Variants in STPG2 observed in about 807,000 individuals in gnomAD.
STPG2 encodes the protein sperm tail PG-rich repeat containing 2, also known as sperm-tail PG-rich repeat-containing protein 2.
In STPG2, 56 loss-of-function variants were observed where a neutral mutation model predicts 54.2. That is an observed-to-expected ratio of 1.03 (90% CI 0.83 to 1.29). STPG2 has a LOEUF of 1.29. Among genes scored for constraint, STPG2 ranks in the 50% most tolerant of loss-of-function variants. The pLI, the probability that STPG2 is intolerant of heterozygous loss-of-function variation, is 0.00. For synonymous variants in STPG2, 200 were observed against 181.8 expected (o/e 1.10, Z -0.81); for missense variants, 596 against 544.9 (o/e 1.09, Z -0.93).
At chr4:97,452,430 G>T (rs910031511) in intron 4 of STPG2, among the ~76,000 whole-genome samples, 1 of 152,132 alleles carries the variant, frequency 6.6e-6, no homozygotes, top group Non-Finnish European at 1.5e-5. Context: ...GCTGGGCCAG[G>T]CTGCCAGTCC....
chr4:97,981,602 G>A (rs1320324645), intron 5 of STPG2, among the ~76,000 whole-genome samples: 2 of 151,854 alleles, frequency 1.3e-5, no homozygotes, highest in Non-Finnish European at 2.9e-5. Context: ...AGATGATAGT[G>A]TAGGGATAAT....
intron 8 of STPG2, among the ~76,000 whole-genome samples, chr4:97,936,772 T>C (rs913364054): frequency 6.6e-6 from 1 of 152,322 alleles, no homozygotes; most frequent in Middle Eastern, 3.4e-3. Context: ...GGCTTCCCTT[T>C]GTAGGTGACC....
At chr4:97,869,799 A>G in intron 8 of STPG2, among the ~76,000 whole-genome samples, 1 of 151,626 alleles carries the variant, frequency 6.6e-6, no homozygotes. Flanking sequence ...TATTTCAGAT[A>G]ATATAATTTT....
intron 5 of STPG2, among the ~76,000 whole-genome samples, chr4:98,071,196 A>G (rs1430973543): frequency 6.6e-6 from 1 of 152,188 alleles, no homozygotes; most frequent in African/African-American, 2.4e-5. Context: ...CCAAAACAGC[A>G]TGGTACTGGT....
At chr4:98,022,786 A>G (rs1736266547) in intron 5 of STPG2, among the ~76,000 whole-genome samples, 1 of 152,068 alleles carries the variant, frequency 6.6e-6, no homozygotes, top group Non-Finnish European at 1.5e-5. Context: ...CATCACTGAT[A>G]CCCTTTCTTC....
rs1001561565 is a variant in STPG2 at position 97,673,672 on chromosome 4, TA to T, written c.1320+39026del. 4.4e-5 allele frequency among the ~76,000 whole-genome samples: 5 copies of T among 113,552 alleles called. No individual in the cohort carries two copies. The South Asian group carries it at 1.5e-3, about 33-fold the overall frequency. The allele number at this position is 113,552 out of a possible 152,430, so 74.5% of individuals were successfully genotyped here. A position where few individuals can be genotyped will look rare whatever the true frequency, so the allele number is the denominator to read the frequency against. On this transcript the variant is annotated intron_variant, in intron 10 of 10. Transcript: ENST00000295268. ...TTAAATTAAAGAATATACGGCTTTATATTTTTTTTTTTCCTGCATTGGCAAT... is the reference window on the plus strand; with the variant it reads ...TTAAATTAAAGAATATACGGCTTTATTTTTTTTTTTTCCTGCATTGGCAAT...
At chr4:97,965,140 T>C (rs1468300094) in intron 7 of STPG2, among the ~76,000 whole-genome samples, 1 of 152,170 alleles carries the variant, frequency 6.6e-6, no homozygotes, top group African/African-American at 2.4e-5. Flanking sequence ...CCAGCCCAAA[T>C]ACTGTGCTTT....
At chr4:97,986,020 T>C (rs1255819957) in intron 5 of STPG2, among the ~76,000 whole-genome samples, 1 of 152,132 alleles carries the variant, frequency 6.6e-6, no homozygotes, top group African/African-American at 2.4e-5. Flanking sequence ...TCTCTTGTAG[T>C]ACCTTAAGCA....
intron 5 of STPG2, among the ~76,000 whole-genome samples, chr4:98,008,298 T>G (rs1279154949): frequency 7.9e-6 from 1 of 126,460 alleles, no homozygotes; most frequent in Non-Finnish European, 1.8e-5. Context: ...TTCAGAATTC[T>G]GAAATTAAAA....
intron 10 of STPG2, among the ~76,000 whole-genome samples, chr4:97,606,320 C>T (rs1288552797): frequency 6.6e-6 from 1 of 151,832 alleles, no homozygotes; most frequent in African/African-American, 2.4e-5. Flanking sequence ...TAACTGGTTT[C>T]CTTACTGAAT....
intron 1 of STPG2, among the ~76,000 whole-genome samples, chr4:98,137,987 T>G (rs1324458032): frequency 6.6e-6 from 1 of 151,970 alleles, no homozygotes; most frequent in Non-Finnish European, 1.5e-5. Context: ...AGAAGGAACT[T>G]ACCTGTTTAT....
rs375278808 is a variant in STPG2, at chr4:97,622,775, A to G, written c.1321-63658T>C. ...ATTTTTTAAAAAAAACTATCTTAAA[A>G]TTTGTATGGGACCATAAAAGAGCCC... On this transcript the variant is annotated intron_variant, in intron 10 of 10. Transcript: ENST00000295268. 3.3e-5 allele frequency among the ~76,000 whole-genome samples: 5 copies of G among 152,110 alleles called. No individual in the cohort carries two copies. The East Asian group carries it at 5.8e-4, about 18-fold the overall frequency.
chr4:98,134,500 G>T, intron 1 of STPG2, 41 bp from the exon 2 acceptor site: 1 of 1,269,452 alleles, frequency 7.9e-7, no homozygotes, highest in Admixed American at 2.4e-5. Context: ...TAAGATAAGA[G>T]TCCAAGGATT....
chr4:97,554,297 T>C (rs1004018732), downstream of STPG2, among the ~76,000 whole-genome samples: 1 of 152,176 alleles, frequency 6.6e-6, no homozygotes, highest in African/African-American at 2.4e-5. Flanking sequence ...CCTTGACAGC[T>C]AGACTGTGCC....
At chr4:97,571,016 T>C (rs1486140897) in intron 10 of STPG2, among the ~76,000 whole-genome samples, 1 of 152,154 alleles carries the variant, frequency 6.6e-6, no homozygotes, top group Non-Finnish European at 1.5e-5. Flanking sequence ...TCTACTTTTG[T>C]TGCCATCTTT....
chr4:97,543,249 A>G (rs973070206), intron 4 of STPG2, among the ~76,000 whole-genome samples: 3 of 151,670 alleles, frequency 2.0e-5, no homozygotes, highest in African/African-American at 7.2e-5. Context: ...TTATAAAGAA[A>G]AAGCTCCCTA....
Position 98,109,200 on chromosome 4 carries a change from T to C in STPG2, c.493A>G (p.Ile165Val), listed in dbSNP as rs367859618. The change falls in exon 4 of 11, where the codon ATA (isoleucine) becomes GTA (valine). Residue 165 changes from isoleucine to valine, a missense_variant. Transcript: ENST00000295268. ...CTATATTTTTTTACTTACTGGACTATATCATACTGTCCTGGACCAGGACCT... is the reference window on the plus strand; with the variant it reads ...CTATATTTTTTTACTTACTGGACTACATCATACTGTCCTGGACCAGGACCT... ...KSGPGPGQYDIVQKKTSYYEN... is the reference protein window; with the variant it reads ...KSGPGPGQYDVVQKKTSYYEN... 240 of 1,591,328 alleles carry C rather than the reference T, an allele frequency of 1.5e-4. No homozygotes were observed. The highest frequency in any genetic ancestry group is 9.4e-4 in the East Asian group (42 of 44,670).
intron 8 of STPG2, among the ~76,000 whole-genome samples, chr4:97,876,912 T>C (rs1187273719): frequency 6.6e-6 from 1 of 152,074 alleles, no homozygotes; most frequent in African/African-American, 2.4e-5. Flanking sequence ...AAAATATAGG[T>C]AAGATCTTCC....
chr4:97,860,899 G>A (rs1025756856), intron 8 of STPG2, among the ~76,000 whole-genome samples: 1 of 152,050 alleles, frequency 6.6e-6, no homozygotes, highest in African/African-American at 2.4e-5. Context: ...TCAACATGAT[G>A]TTTCCTTGGG....
Sources: allele counts gnomAD v4.1 joint callset (sites outside exome capture counted in the v4.1 genomes callset), GRCh38; gene constraint gnomAD v4.1.1; transcripts MANE v1.5; gene names NCBI Gene and HGNC (gene_info 2026-07-23, HGNC 2026-07-21).